The following MOB1B variants were observed in gnomAD, a reference collection of about 807,000 sequenced individuals.
MOB1B encodes the protein MOB1 Mps One Binder homolog B.
A neutral mutation model predicts 24.4 loss-of-function variants in MOB1B; 19 were observed. The observed-to-expected ratio is 0.78, with a 90% CI of 0.54 to 1.14. MOB1B has a LOEUF of 1.14. Ranked by LOEUF, MOB1B falls within the 50% of genes most tolerant of loss-of-function variation. The pLI is 0.00. For synonymous variants in MOB1B, 76 were observed against 82.1 expected (o/e 0.93, Z 0.40); for missense variants, 243 against 259.6 (o/e 0.94, Z 0.44).
intron 2 of MOB1B, among the ~76,000 whole-genome samples, chr4:70,961,724 A>G (rs566883570): frequency 2.3e-4 from 35 of 152,316 alleles, no homozygotes; most frequent in African/African-American, 7.0e-4. Flanking sequence ...ATTTATAGCA[A>G]TCTTCCCAAA....
chr4:70,904,892 T>C (rs1444912649), intron 1 of MOB1B, among the ~76,000 whole-genome samples: 1 of 152,188 alleles, frequency 6.6e-6, no homozygotes, highest in Non-Finnish European at 1.5e-5. Context: ...CAGTATTTAA[T>C]AGATTCAGAT....
chr4:70,914,645 A>G (rs776897562), intron 1 of MOB1B, among the ~76,000 whole-genome samples: 1 of 152,192 alleles, frequency 6.6e-6, no homozygotes, highest in African/African-American at 2.4e-5. Flanking sequence ...TCACATCACT[A>G]CCTTCAGTTG....
At chr4:70,908,618 C>CA (rs201034254) in intron 1 of MOB1B, among the ~76,000 whole-genome samples, 3,053 of 139,254 alleles carry the variant, frequency 0.022, 112 homozygotes, top group African/African-American at 0.077. Flanking sequence ...ACTAAAAATA[C>CA]AAAAAAATTA....
chr4:70,971,227 G>A (rs1738739730), intron 3 of MOB1B, among the ~76,000 whole-genome samples: 1 of 152,224 alleles, frequency 6.6e-6, no homozygotes, highest in African/African-American at 2.4e-5. Flanking sequence ...TTTAGGCTGG[G>A]CATGGTGGCT....
At chr4:70,935,563 A>T (rs1219009063) in intron 1 of MOB1B, among the ~76,000 whole-genome samples, 1 of 152,164 alleles carries the variant, frequency 6.6e-6, no homozygotes, top group Non-Finnish European at 1.5e-5. Context: ...GACACTGCTT[A>T]ATCTGAATGT....
chr4:70,925,715 A>G (rs575517217), intron 1 of MOB1B, among the ~76,000 whole-genome samples: 4 of 152,270 alleles, frequency 2.6e-5, no homozygotes, highest in African/African-American at 9.6e-5. Context: ...TCCAAAGTGG[A>G]TGCCTGTATA....
In MOB1B at chr4:70,972,254, C is replaced by A. The variant is rs570537497; in HGVS notation, c.275+2230C>A. Among the ~76,000 whole-genome samples the A allele has an allele frequency of 9.2e-5, 14 of 152,030 alleles. 1 individual carries two copies. In the South Asian group the frequency reaches 2.7e-3, roughly 29 times the overall value. On this transcript the variant is annotated intron_variant, in intron 3 of 5. Transcript: ENST00000309395. ...TTTGAGACAGAATCTTGCTCTGTTG[C>A]CCAGGCTAGAGTGCAGTGGTGCGAT...
intron 1 of MOB1B, among the ~76,000 whole-genome samples, chr4:70,904,947 A>G (rs1477405792): frequency 6.6e-6 from 1 of 152,178 alleles, no homozygotes; most frequent in Non-Finnish European, 1.5e-5. Context: ...GTAACTACAA[A>G]AGAAATCTTG....
chr4:70,919,794 C>G (rs1229015244), intron 1 of MOB1B, among the ~76,000 whole-genome samples: 2 of 152,138 alleles, frequency 1.3e-5, no homozygotes, highest in African/African-American at 4.8e-5. Flanking sequence ...CCACCACACC[C>G]AGCTGTAAAA....
intron 2 of MOB1B, among the ~76,000 whole-genome samples, chr4:70,966,654 A>G (rs1738543769): frequency 1.3e-5 from 2 of 151,982 alleles, no homozygotes; most frequent in South Asian, 2.1e-4. Context: ...GATTACAGGC[A>G]TGAGCCACTG....
rs1461137358 is a variant in MOB1B at position 70,958,979 on chromosome 4, C to A, written c.120C>A (p.Asn40Lys). The A allele has an allele frequency of 6.2e-7, 1 of 1,614,132 alleles. No individual in the cohort carries two copies. Among genetic ancestry groups the A allele is most frequent in the South Asian group, 1.1e-5 (1 of 91,074 alleles). ...KHAEATLGSGNLRMAVMLPEG... is the reference protein window; with the variant it reads ...KHAEATLGSGKLRMAVMLPEG... ...CAGAAGCCACACTTGGCAGTGGCAA[C>A]CTTCGGATGGCTGTCATGCTTCCTG... Residue 40 changes from asparagine to lysine, a missense_variant, in exon 2 of 6, where the codon AAC becomes AAA. Coordinates refer to ENST00000309395, the MANE Select transcript of MOB1B (RefSeq NM_173468.4).
intron 1 of MOB1B, among the ~76,000 whole-genome samples, chr4:70,906,357 A>G (rs1467984191): frequency 6.6e-6 from 1 of 152,216 alleles, no homozygotes; most frequent in Non-Finnish European, 1.5e-5. Context: ...AGCCTGGACG[A>G]CAGAGTGAGA....
At chr4:70,967,485 A>G (rs933678497) in intron 2 of MOB1B, among the ~76,000 whole-genome samples, 3 of 152,272 alleles carry the variant, frequency 2.0e-5, no homozygotes, top group Non-Finnish European at 2.9e-5. Flanking sequence ...AATAAAAAAT[A>G]TACTGACTGG....
At chr4:70,942,815 G>C (rs924457560) in intron 1 of MOB1B, 1 of 930,368 alleles carries the variant, frequency 1.1e-6, no homozygotes. Context: ...TGTGTTTTTT[G>C]TCTGTAGAGA....
At chr4:70,972,281 T>A (rs1428309276) in intron 3 of MOB1B, among the ~76,000 whole-genome samples, 1 of 152,150 alleles carries the variant, frequency 6.6e-6, no homozygotes, top group African/African-American at 2.4e-5. Context: ...TGGTGCGATC[T>A]TGGCTTACTG....
rs1423230215 is a variant in MOB1B, at chr4:70,983,633, A to G, written c.*1576A>G. ...TCTAGGAAGAAATGCTTGCTCTGAA[A>G]TAGTATAGATTAAAAACACTCAGTA... On this transcript the variant is annotated 3_prime_UTR_variant, in exon 6 of 6. Transcript: ENST00000309395. The G allele has an allele frequency of 1.3e-5, 2 of 152,558 alleles. No individual in the cohort carries two copies. Among genetic ancestry groups the G allele is most frequent in the Non-Finnish European group, 1.5e-5 (1 of 67,978 alleles). The allele number at this position is 152,558 out of a possible 1,614,324, so 9.5% of individuals were successfully genotyped here.
At chr4:70,912,728 T>A (rs72852943) in intron 1 of MOB1B, among the ~76,000 whole-genome samples, 8,861 of 152,298 alleles carry the variant, frequency 0.058, 513 homozygotes, top group East Asian at 0.15. Context: ...CAGTCATGAA[T>A]CATGTATTGC....
chr4:70,918,124 T>C (rs995980375), intron 1 of MOB1B, among the ~76,000 whole-genome samples: 2 of 152,218 alleles, frequency 1.3e-5, no homozygotes, highest in Non-Finnish European at 2.9e-5. Flanking sequence ...CCTAAACATG[T>C]CAGATAATCC....
At chr4:70,947,520 AT>A (rs1440775460) in intron 1 of MOB1B, among the ~76,000 whole-genome samples, 1 of 152,094 alleles carries the variant, frequency 6.6e-6, no homozygotes, top group Non-Finnish European at 1.5e-5. Context: ...CTCTTTGTAT[AT>A]TTTGGATATA....
Sources: allele counts gnomAD v4.1 joint callset (sites outside exome capture counted in the v4.1 genomes callset), GRCh38; gene constraint gnomAD v4.1.1; transcripts MANE v1.5; gene names NCBI Gene and HGNC (gene_info 2026-07-23, HGNC 2026-07-21).